Variants in TRHDE observed in about 807,000 individuals in gnomAD.
TRHDE encodes the protein thyrotropin-releasing hormone-degrading ectoenzyme.
In TRHDE, 72 loss-of-function variants were observed where a neutral mutation model predicts 125.7. That is an observed-to-expected ratio of 0.57 (90% CI 0.47 to 0.70). The LOEUF is 0.70. Among genes scored for constraint, TRHDE ranks in the 30% least tolerant of loss-of-function variants. The probability of loss-of-function intolerance (pLI) is 0.00; values close to 1 mark genes in which losing one functional copy is unlikely to be tolerated. For missense variants in TRHDE, 1,110 were observed against 1,327.1 expected (o/e 0.84, Z 2.54); for synonymous variants, 509 against 509.1 (o/e 1.00, Z 0.00).
intron 6 of TRHDE, among the ~76,000 whole-genome samples, chr12:72,515,364 T>C (rs1592503617): frequency 6.8e-6 from 1 of 146,868 alleles, no homozygotes; most frequent in Non-Finnish European, 1.5e-5. Flanking sequence ...ATTGTGGTTT[T>C]GATTTGCATT....
At chr12:72,628,520 T>A (rs906367685) in intron 15 of TRHDE, among the ~76,000 whole-genome samples, 3 of 151,906 alleles carry the variant, frequency 2.0e-5, no homozygotes, top group Non-Finnish European at 4.4e-5. Flanking sequence ...TGCAAGCTAA[T>A]TTTTAATTTA....
In TRHDE at chr12:72,513,664, T is replaced by C. The variant is rs536971497; in HGVS notation, c.1722+14029T>C. Reference sequence around the variant, plus strand: ...CAGTATTAGGAGGCTTAACTGTGATTTCATACAACATACTGTTACCTTGAA... The same window carrying C: ...CAGTATTAGGAGGCTTAACTGTGATCTCATACAACATACTGTTACCTTGAA... On this transcript the variant is annotated intron_variant, in intron 6 of 18. Coordinates refer to ENST00000261180, the MANE Select transcript of TRHDE (RefSeq NM_013381.3). Among the ~76,000 whole-genome samples, 4 of 152,244 alleles carry C rather than the reference T, an allele frequency of 2.6e-5. No homozygotes were observed. The East Asian group carries it at 7.7e-4, about 29-fold the overall frequency.
chr12:72,293,727 T>G (rs1880177854), intron 2 of TRHDE, among the ~76,000 whole-genome samples: 1 of 152,172 alleles, frequency 6.6e-6, no homozygotes, highest in Admixed American at 6.5e-5. Context: ...ATGGGATGTT[T>G]GGGGTGTCGT....
chr12:72,470,957 G>A (rs1876617778), intron 4 of TRHDE, among the ~76,000 whole-genome samples: 1 of 130,678 alleles, frequency 7.7e-6, no homozygotes, highest in Middle Eastern at 5.1e-3. Flanking sequence ...GCTCACTGCA[G>A]TCTTCGCCTC....
intron 3 of TRHDE, among the ~76,000 whole-genome samples, chr12:72,380,510 A>G (rs1292827276): frequency 1.3e-5 from 2 of 152,174 alleles, no homozygotes; most frequent in African/African-American, 2.4e-5. Flanking sequence ...AGCAGATATC[A>G]TGGGGCAAAA....
Position 72,517,493 on chromosome 12 carries a change from C to T in TRHDE, c.1722+17858C>T, listed in dbSNP as rs1002773015. Among the ~76,000 whole-genome samples the T allele has an allele frequency of 1.1e-3, 174 of 151,948 alleles. No individual in the cohort carries two copies. In the Middle Eastern group the frequency reaches 0.014, roughly 12 times the overall value. On this transcript the variant is annotated intron_variant, in intron 6 of 18. Coordinates refer to ENST00000261180, the MANE Select transcript of TRHDE (RefSeq NM_013381.3). ...TTTCTGTGGGATCGGTGGTGATATC[C>T]CCTTTATCATTTTTTATTGCGTCTG...
chr12:72,607,629 T>A (rs1419198769), intron 12 of TRHDE, among the ~76,000 whole-genome samples: 1 of 152,162 alleles, frequency 6.6e-6, no homozygotes, highest in Non-Finnish European at 1.5e-5. Context: ...TTTGGTTTTG[T>A]CTTTAAGTAT....
chr12:72,302,291 A>G (rs941473825), intron 2 of TRHDE, among the ~76,000 whole-genome samples: 3 of 151,530 alleles, frequency 2.0e-5, no homozygotes, highest in African/African-American at 7.3e-5. Flanking sequence ...TATATACACA[A>G]TTATATCCTG....
At chr12:72,579,118 G>C (rs538763031) in intron 12 of TRHDE, among the ~76,000 whole-genome samples, 1 of 151,522 alleles carries the variant, frequency 6.6e-6, no homozygotes, top group East Asian at 2.0e-4. Flanking sequence ...GGAGTCTTTT[G>C]TTGTGTATGT....
At chr12:72,222,013 A>G (rs1163715332) in intron 2 of TRHDE, among the ~76,000 whole-genome samples, 2 of 152,070 alleles carry the variant, frequency 1.3e-5, no homozygotes, top group African/African-American at 2.4e-5. Flanking sequence ...CTGCCTCACA[A>G]TGTGGAAGCT....
Position 72,469,894 on chromosome 12 carries a change from T to C in TRHDE, c.1452T>C (p.Val484=). The part of the protein sequence containing the change: ...SYLLDVTMVI[V]HEICHQWFGD... The stretch of plus-strand genomic sequence containing the variant: ...TGCTGGATGTCACCATGGTCATTGT[T>C]CATGAGATATGTCACCAGGTATGAG... Residue 484 remains valine (V), a synonymous_variant, in exon 4 of 19, where the codon GTT becomes GTC. Coordinates refer to ENST00000261180, the MANE Select transcript of TRHDE (RefSeq NM_013381.3). 2 of 1,614,102 alleles carry C rather than the reference T, an allele frequency of 1.2e-6. No individual in the cohort carries two copies. The highest frequency in any genetic ancestry group is 1.7e-6 in the Non-Finnish European group (2 of 1,179,974).
chr12:72,556,427 C>T (rs1293246984), intron 7 of TRHDE, among the ~76,000 whole-genome samples: 1 of 152,138 alleles, frequency 6.6e-6, no homozygotes, highest in Admixed American at 6.6e-5. Context: ...AGAGATGTAG[C>T]CAAGGTTATG....
intron 7 of TRHDE, among the ~76,000 whole-genome samples, chr12:72,549,111 G>A (rs1869554930): frequency 6.6e-6 from 1 of 151,798 alleles, no homozygotes; most frequent in African/African-American, 2.4e-5. Flanking sequence ...AGGCAATGAG[G>A]TGTGGATAAA....
intron 5 of TRHDE, among the ~76,000 whole-genome samples, chr12:72,496,160 G>A (rs1041969875): frequency 3.9e-5 from 6 of 152,250 alleles, no homozygotes; most frequent in South Asian, 4.1e-4. Flanking sequence ...ATTTCAACAC[G>A]CATGTGTACA....
intron 15 of TRHDE, among the ~76,000 whole-genome samples, chr12:72,635,005 G>C (rs1381951413): frequency 6.6e-6 from 1 of 151,864 alleles, no homozygotes; most frequent in East Asian, 1.9e-4. Flanking sequence ...ATAGTCCTTT[G>C]GGTATATACC....
intron 1 of TRHDE, among the ~76,000 whole-genome samples, chr12:72,284,297 G>T (rs1480099387): frequency 6.6e-6 from 1 of 152,064 alleles, no homozygotes; most frequent in Non-Finnish European, 1.5e-5. Context: ...GATTGAATTG[G>T]AGTTCTCAGA....
chr12:72,321,871 A>G (rs895740432), intron 2 of TRHDE, among the ~76,000 whole-genome samples: 3 of 152,006 alleles, frequency 2.0e-5, no homozygotes, highest in African/African-American at 7.3e-5. Context: ...ATATATCTAC[A>G]TACATACACA....
At chr12:72,287,222 C>T (rs1218013109) in intron 2 of TRHDE, among the ~76,000 whole-genome samples, 2 of 152,142 alleles carry the variant, frequency 1.3e-5, no homozygotes, top group African/African-American at 4.8e-5. Flanking sequence ...TCTACCTGCA[C>T]TATTGTACAT....
chr12:72,629,232 T>G (rs999982001), intron 15 of TRHDE, among the ~76,000 whole-genome samples: 1 of 151,896 alleles, frequency 6.6e-6, no homozygotes, highest in Non-Finnish European at 1.5e-5. Flanking sequence ...CATGACATTT[T>G]ACTTTTTTAA....
Sources: allele counts gnomAD v4.1 joint callset (sites outside exome capture counted in the v4.1 genomes callset), GRCh38; gene constraint gnomAD v4.1.1; transcripts MANE v1.5; gene names NCBI Gene and HGNC (gene_info 2026-07-23, HGNC 2026-07-21).